NDE1: variants seen among roughly 807,000 people sequenced by gnomAD.
NDE1 encodes the protein nudE neurodevelopment protein 1.
Under a neutral mutation model 43.4 loss-of-function variants are expected in NDE1, and 28 were observed. The ratio of observed to expected loss-of-function variants is 0.65; its 90% CI spans 0.48 to 0.89. The LOEUF (loss-of-function observed/expected upper bound fraction) is 0.89. Among genes scored for constraint, NDE1 ranks in the 40% least tolerant of loss-of-function variants. NDE1 has a pLI of 0.00. For missense variants in NDE1, 441 were observed against 434.1 expected (o/e 1.02, Z -0.14); for synonymous variants, 184 against 172.0 (o/e 1.07, Z -0.55).
In NDE1 at chr16:15,682,132, G is replaced by A. The variant is rs559266838; in HGVS notation, c.386+4183G>A. Among the ~76,000 whole-genome samples, 295 of 152,102 alleles carry A rather than the reference G, an allele frequency of 1.9e-3. 2 individuals carry two copies. The highest frequency in any genetic ancestry group is 3.4e-3 in the Middle Eastern group (1 of 294). On this transcript the variant is annotated intron_variant, in intron 4 of 8. Coordinates refer to ENST00000396354, the MANE Select transcript of NDE1 (RefSeq NM_017668.3). ...GCTGAATAGTTTAGTGTTAAAAATC[G>A]GATGAGGTAGAAGCCCAGTTCACCA...
chr16:15,714,699 G>A, intron 8 of NDE1: 1 of 648,786 alleles, frequency 1.5e-6, no homozygotes, highest in Non-Finnish European at 2.7e-6. Context: ...GATCTAGAAG[G>A]TTAGCTGCTA....
chr16:15,710,748 C>T (rs537563299), intron 8 of NDE1, among the ~76,000 whole-genome samples: 2 of 151,984 alleles, frequency 1.3e-5, no homozygotes, highest in Non-Finnish European at 2.9e-5. Context: ...TTGATCTTGG[C>T]TCACTGCAGG....
chr16:15,697,108 G>T, intron 8 of NDE1: 4 of 968,274 alleles, frequency 4.1e-6, no homozygotes, highest in Non-Finnish European at 4.9e-6. Context: ...GAATACGATG[G>T]CAGGATCATG....
At chr16:15,656,185 G>A (rs1196880867) in intron 1 of NDE1, among the ~76,000 whole-genome samples, 1 of 151,926 alleles carries the variant, frequency 6.6e-6, no homozygotes, top group Admixed American at 6.6e-5. Flanking sequence ...GTGAAGTGCA[G>A]CTGTTACTTC....
chr16:15,680,363 C>T (rs998129511), intron 4 of NDE1, among the ~76,000 whole-genome samples: 1 of 152,152 alleles, frequency 6.6e-6, no homozygotes, highest in African/African-American at 2.4e-5. Flanking sequence ...ATGCAGACTT[C>T]ACCCAGTCTT....
At chr16:15,674,937 G>A (rs1200133408) in intron 3 of NDE1, among the ~76,000 whole-genome samples, 3 of 152,042 alleles carry the variant, frequency 2.0e-5, no homozygotes, top group East Asian at 3.9e-4. Context: ...TTTGTAATAC[G>A]GTGATAATGT....
intron 1 of NDE1, among the ~76,000 whole-genome samples, chr16:15,661,960 G>T (rs751125117): frequency 6.6e-6 from 1 of 150,526 alleles, no homozygotes; most frequent in East Asian, 2.0e-4. Context: ...TTTAGACAAG[G>T]TCTCACTCTC....
At chr16:15,679,840 G>A (rs2038083925) in intron 4 of NDE1, among the ~76,000 whole-genome samples, 1 of 152,136 alleles carries the variant, frequency 6.6e-6, no homozygotes, top group Non-Finnish European at 1.5e-5. Flanking sequence ...GTGCAGTGGT[G>A]CGATCTCTGC....
chr16:15,711,633 C>T (rs995812516), intron 8 of NDE1, among the ~76,000 whole-genome samples: 12 of 151,980 alleles, frequency 7.9e-5, no homozygotes, highest in African/African-American at 2.9e-4. Flanking sequence ...GAGAATGAAG[C>T]GGGGAAAATA....
At chr16:15,699,300 C>T (rs1029619674) in intron 8 of NDE1, among the ~76,000 whole-genome samples, 18 of 151,596 alleles carry the variant, frequency 1.2e-4, no homozygotes, top group Admixed American at 5.3e-4. Context: ...CACTCTGTCA[C>T]CCAGGCTAGA....
At chr16:15,660,848 A>G (rs973558227) in intron 1 of NDE1, among the ~76,000 whole-genome samples, 1 of 151,844 alleles carries the variant, frequency 6.6e-6, no homozygotes, top group Non-Finnish European at 1.5e-5. Context: ...CCTGATTCTC[A>G]TCTCTCTCAC....
intron 8 of NDE1, among the ~76,000 whole-genome samples, chr16:15,705,780 G>C (rs925369060): frequency 6.6e-6 from 1 of 151,882 alleles, no homozygotes; most frequent in African/African-American, 2.4e-5. Flanking sequence ...AGGAGATCGA[G>C]ACCATCCTGG....
At position 15,667,428 on chromosome 16, in the gene NDE1, GAA is replaced by G; in HGVS notation, c.228_229del (p.Glu76AspfsTer7). 1 of 1,613,696 alleles carries G rather than the reference GAA, an allele frequency of 6.2e-7. No individual in the cohort carries two copies. The highest frequency in any genetic ancestry group is 2.2e-5 in the East Asian group (1 of 44,884). On this transcript the variant is annotated frameshift_variant, in exon 3 of 9. Transcript: ENST00000396354. LOFTEE classifies it high-confidence loss of function. ...AAATAACCGCCTTCGCATGGAGCTG[GAA>G]ACCATCAAGGTGAGGGGCTGAGAGG... ...SENNRLRMEL[E>X]TIKEKFEVQH... is the part of the protein sequence containing the mutation.
chr16:15,714,254 C>T (rs1269436609), intron 8 of NDE1: 3 of 155,502 alleles, frequency 1.9e-5, no homozygotes, highest in Non-Finnish European at 1.4e-5. Context: ...AAACAGCCCC[C>T]ACTCCAGTGA....
At chr16:15,719,561 T>C in intron 8 of NDE1, 1 of 1,613,558 alleles carries the variant, frequency 6.2e-7, no homozygotes. Flanking sequence ...CATCTGAGGC[T>C]CTCCTAGCAA....
intron 3 of NDE1, among the ~76,000 whole-genome samples, chr16:15,676,558 T>C (rs1443212785): frequency 1.3e-5 from 2 of 152,148 alleles, no homozygotes; most frequent in Non-Finnish European, 2.9e-5. Context: ...GTTCCTTTTT[T>C]CTCCATGTCA....
intron 5 of NDE1, among the ~76,000 whole-genome samples, chr16:15,690,343 T>C (rs2038676910): frequency 4.9e-5 from 6 of 123,394 alleles, no homozygotes; most frequent in African/African-American, 2.3e-4. Flanking sequence ...TGGCCTTTTT[T>C]TTTTTTTTTC....
chr16:15,706,934 C>T (rs1258523935), intron 8 of NDE1, among the ~76,000 whole-genome samples: 2 of 152,124 alleles, frequency 1.3e-5, no homozygotes, highest in African/African-American at 2.4e-5. Context: ...AAGTGCTTTT[C>T]TTGGAACTGG....
chr16:15,681,238 A>G (rs1395906314), intron 4 of NDE1, among the ~76,000 whole-genome samples: 2 of 103,228 alleles, frequency 1.9e-5, no homozygotes, highest in Admixed American at 2.1e-4. Flanking sequence ...TTGTGCCAGC[A>G]CTGTTAAACA....
Sources: allele counts gnomAD v4.1 joint callset (sites outside exome capture counted in the v4.1 genomes callset), GRCh38; gene constraint gnomAD v4.1.1; transcripts MANE v1.5; gene names NCBI Gene and HGNC (gene_info 2026-07-23, HGNC 2026-07-21).